MYBBP1A: variants seen among roughly 807,000 people sequenced by gnomAD.
MYBBP1A encodes MYB binding protein 1a.
MYBBP1A carries 147 observed loss-of-function variants against 136.3 expected under a neutral mutation model. The ratio of observed to expected loss-of-function variants is 1.08; its 90% CI spans 0.94 to 1.24. The LOEUF (loss-of-function observed/expected upper bound fraction) is 1.24. Among genes scored for constraint, MYBBP1A ranks in the 50% most tolerant of loss-of-function variants. The pLI, the probability that MYBBP1A is intolerant of heterozygous loss-of-function variation, is 0.00. For missense variants in MYBBP1A, 2,060 were observed against 1,727.4 expected, an observed-to-expected ratio of 1.19 and a Z score of -3.41; for synonymous variants, 947 against 735.8, an observed-to-expected ratio of 1.29 and a Z score of -4.65.
rs1253610340 is a variant in MYBBP1A at position 4,552,642 on chromosome 17, G to A, written c.562-16C>T. 1 of 1,607,962 alleles carries A rather than the reference G, an allele frequency of 6.2e-7. No homozygotes were observed. The highest frequency in any genetic ancestry group is 8.5e-7 in the Non-Finnish European group (1 of 1,176,002). The stretch of plus-strand genomic sequence containing the variant: ...CCTTCGAGACCTAAGGATGGAGGGA[G>A]AAGAAATCGTGACTTCCTCTGCGGG... On this transcript the variant is annotated splice_polypyrimidine_tract_variant and intron_variant, in intron 5 of 25. Coordinates refer to ENST00000254718, the MANE Select transcript of MYBBP1A (RefSeq NM_014520.4). This position sits in a 1 kb window ranked among gnomAD's most constrained non-coding sequence, Gnocchi z 4.7.
Position 4,547,971 on chromosome 17 carries a change from A to G in MYBBP1A, c.1811T>C (p.Ile604Thr). ...AGGCCCCAGTACCTTGAGGAGGTGG[A>G]TGCCCACGAGGAGCAGAAGGTGCTG... ...AFQHLLLLVG[I>T]HLLKSPAESC... is the part of the protein sequence containing the mutation. Residue 604 changes from isoleucine (I) to threonine (T), a missense_variant, in exon 13 of 26, where the codon ATC (isoleucine) becomes ACC (threonine). Physicochemically the swap from Ile to Thr is moderately conservative, Grantham distance 89. Transcript: ENST00000254718. 2.0e-6 allele frequency: 3 copies of G among 1,514,400 alleles called. No homozygotes were observed. Among genetic ancestry groups the G allele is most frequent in the Non-Finnish European group, 2.7e-6 (3 of 1,127,932 alleles). The allele number at this position is 1,514,400 out of a possible 1,614,324, so 93.8% of individuals were successfully genotyped here.
Position 4,550,972 on chromosome 17 carries a change from A to C in MYBBP1A, c.1024-619T>G, listed in dbSNP as rs557777541. On this transcript the variant is annotated intron_variant, in intron 8 of 25. Transcript: ENST00000254718. The stretch of plus-strand genomic sequence containing the variant: ...CAGGGTCAGAGGCTCCCAGTGGGAT[A>C]GTGTCCGGCTTCACAGCCCAAGCTG... Among the ~76,000 whole-genome samples the C allele has an allele frequency of 5.9e-5, 9 of 152,380 alleles. No homozygotes were observed. In the South Asian group the frequency reaches 1.9e-3, roughly 32 times the overall value.
Position 4,548,388 on chromosome 17 carries a change from C to G in MYBBP1A, c.1557-78G>C. ...GCCTCCCTCCGCCCTCCCCAGGGCTCGGTCTCCCGCCTCTCCAGGACCTAC... is the reference window on the plus strand; with the variant it reads ...GCCTCCCTCCGCCCTCCCCAGGGCTGGGTCTCCCGCCTCTCCAGGACCTAC... On this transcript the variant is annotated intron_variant, in intron 11 of 25. Coordinates refer to ENST00000254718, the MANE Select transcript of MYBBP1A (RefSeq NM_014520.4). This position sits in a 1 kb window ranked among gnomAD's most constrained non-coding sequence, Gnocchi z 4.2. The G allele has an allele frequency of 6.3e-7, 1 of 1,599,230 alleles. No individual in the cohort carries two copies. The highest frequency in any genetic ancestry group is 2.2e-5 in the East Asian group (1 of 44,824).
chr17:4,554,248 A>C lies in MYBBP1A; in HGVS notation c.325T>G (p.Cys109Gly). 1 of 1,614,052 alleles carries C rather than the reference A, an allele frequency of 6.2e-7. No individual in the cohort carries two copies. Among genetic ancestry groups the C allele is most frequent in the East Asian group, 2.2e-5 (1 of 44,884 alleles). The change falls in exon 3 of 26, where the codon TGC becomes GGC. Residue 109 changes from cysteine to glycine, a missense_variant. Cys to Gly is a radical substitution (Grantham distance 159). Coordinates refer to ENST00000254718, the MANE Select transcript of MYBBP1A (RefSeq NM_014520.4). The part of the protein sequence containing the change: ...LLQSFEDLPL[C>G]SILQQIQEKY... ...TCTTGTATCTGCTGCAGGATGCTGC[A>C]CAAGGGGAGGTCTTCAAAAGACTGT...
At chr17:4,547,069 A>G (rs912090169) in intron 13 of MYBBP1A, among the ~76,000 whole-genome samples, 5 of 151,714 alleles carry the variant, frequency 3.3e-5, no homozygotes, top group Non-Finnish European at 7.4e-5. Context: ...CTGCCACCAC[A>G]CCTGGCTAAT....
At chr17:4,554,803 C>T in intron 2 of MYBBP1A, 58 bp downstream of exon 2, 5 of 1,550,714 alleles carry the variant, frequency 3.2e-6, no homozygotes, top group Non-Finnish European at 3.5e-6. Flanking sequence ...ACCCGCCCTC[C>T]TCATACCCCA....
At position 4,545,087 on chromosome 17, in the gene MYBBP1A, C is replaced by T. The variant is rs868409399; in HGVS notation, c.2249G>A (p.Gly750Glu). The T allele has an allele frequency of 1.9e-6, 3 of 1,584,188 alleles. No individual in the cohort carries two copies. The highest frequency in any genetic ancestry group is 2.3e-5 in the South Asian group (2 of 87,866). ...TTCCCGGAAGCCCTGATCCACGTCC[C>T]CGTCGCGCTCCTCCTCCTCGCTCTC... ...GEESEEEERD[G>E]DVDQGFREQL... The change falls in exon 17 of 26, where the codon GGG (glycine) becomes GAG (glutamate). Residue 750 changes from glycine to glutamate, a missense_variant. By Grantham distance (98) the Gly-to-Glu change is moderately conservative. Coordinates refer to ENST00000254718, the MANE Select transcript of MYBBP1A (RefSeq NM_014520.4).
intron 9 of MYBBP1A, among the ~76,000 whole-genome samples, chr17:4,549,767 CAG>C (rs1254933209): frequency 8.5e-6 from 1 of 118,052 alleles, no homozygotes; most frequent in South Asian, 2.8e-4. Flanking sequence ...GCTTAGGCCA[CAG>C]AGAGTGAGAC....
rs1906353055 is a variant in MYBBP1A, at chr17:4,540,923, A to AGGGCCCCGTCCCGGGCCCCGTCCC, written c.3298-440_3298-439insGGGACGGGGCCCGGGACGGGGCCC. ...CTTCCTCACTATCAGCCAGTTTTGT[A>AGGGCCCCGTCCCGGGCCCCGTCCC]AGGCCCCGTCCCGGGCCCCGCCTCT... On this transcript the variant is annotated intron_variant, in intron 24 of 25. Transcript: ENST00000254718. Among the ~76,000 whole-genome samples, 3 of 117,124 alleles carry AGGGCCCCGTCCCGGGCCCCGTCCC rather than the reference A, an allele frequency of 2.6e-5. 1 individual carries two copies. The South Asian group carries it at 9.7e-4, about 38-fold the overall frequency. The allele number at this position is 117,124 out of a possible 152,430, so 76.8% of individuals were successfully genotyped here. A position where few individuals can be genotyped will look rare whatever the true frequency, so the allele number is the denominator to read the frequency against.
Position 4,552,434 on chromosome 17 carries a change from G to T in MYBBP1A, c.737+17C>A, listed in dbSNP as rs769176856. ...CCTTGGCCCCAGGGAGGGCAAATCC[G>T]CCCACCTCCATCACACCTGGGGACA... is the stretch of plus-strand genomic sequence containing the variant. On this transcript the variant is annotated intron_variant, in intron 6 of 25. Coordinates refer to ENST00000254718, the MANE Select transcript of MYBBP1A (RefSeq NM_014520.4). The surrounding 1 kb of genome is among the most constrained non-coding windows in gnomAD (Gnocchi z 4.7). The T allele has an allele frequency of 3.1e-6, 5 of 1,610,206 alleles. No homozygotes were observed. Among genetic ancestry groups the T allele is most frequent in the Non-Finnish European group, 4.2e-6 (5 of 1,178,964 alleles).
Position 4,544,558 on chromosome 17 carries a change from C to A in MYBBP1A, c.2570G>T (p.Arg857Leu). 1 of 1,565,764 alleles carries A rather than the reference C, an allele frequency of 6.4e-7. No homozygotes were observed. Among genetic ancestry groups the A allele is most frequent in the Non-Finnish European group, 8.7e-7 (1 of 1,155,742 alleles). The change falls in exon 19 of 26, where the codon CGG becomes CTG. Residue 857 changes from arginine to leucine, a missense_variant. Coordinates refer to ENST00000254718, the MANE Select transcript of MYBBP1A (RefSeq NM_014520.4). ...ELLEPLLSII[R>L]RSLRSSSSKQ... ...GGAGCTGCTGCTGCGCAGGCTGCGC[C>A]GGATGATGCTCAGCAGCGGCTCCAG...
chr17:4,552,790 C>CA lies in MYBBP1A; in HGVS notation c.562-165dup, dbSNP rs1400446826. On this transcript the variant is annotated intron_variant, in intron 5 of 25. Transcript: ENST00000254718. The surrounding 1 kb of genome is among the most constrained non-coding windows in gnomAD (Gnocchi z 4.7). ...CCCAGGCAGCGGGGTTTTTGACAAG[C>CA]ATCCCACTGACGCTAACTGGCCCCT... Among the ~76,000 whole-genome samples, 1 of 152,036 alleles carries CA rather than the reference C, an allele frequency of 6.6e-6. No individual in the cohort carries two copies. The highest frequency in any genetic ancestry group is 1.5e-5 in the Non-Finnish European group (1 of 68,006).
chr17:4,542,831 G>A (rs1906578707), intron 20 of MYBBP1A, 82 bp downstream of exon 20: 4 of 1,602,504 alleles, frequency 2.5e-6, no homozygotes, highest in Non-Finnish European at 3.4e-6. Flanking sequence ...AGAAGGCTGA[G>A]GGTTGGGCCC....
At position 4,549,459 on chromosome 17, in the gene MYBBP1A, C is replaced by T. The variant is rs568034069; in HGVS notation, c.1320-17G>A. ...CGCTCAGGCCTAGCGGGGCAGGAGG[C>T]GAGGTCATGTGAGCCACTTATAACT... On this transcript the variant is annotated splice_polypyrimidine_tract_variant and intron_variant, in intron 9 of 25. Coordinates refer to ENST00000254718, the MANE Select transcript of MYBBP1A (RefSeq NM_014520.4). 2.1e-5 allele frequency: 33 copies of T among 1,607,630 alleles called. No individual in the cohort carries two copies. Among genetic ancestry groups the T allele is most frequent in the Middle Eastern group, 1.7e-4 (1 of 6,052 alleles).
rs372363229 is a variant in MYBBP1A at position 4,539,344 on chromosome 17, T to TA, written c.*70dup. On this transcript the variant is annotated 3_prime_UTR_variant, in exon 26 of 26. Coordinates refer to ENST00000254718, the MANE Select transcript of MYBBP1A (RefSeq NM_014520.4). ...CAGCTTGCGTATTAAAATCATGGTT[T>TA]AAAAAAAAAAAAAAAAAATAGGCGT... The TA allele has an allele frequency of 0.028, 38,669 of 1,395,030 alleles. 117 individuals are homozygous for TA. The highest frequency in any genetic ancestry group is 0.039 in the Middle Eastern group (173 of 4,412). 86.4% of individuals were successfully genotyped at this position (1,395,030 alleles called of 1,614,324 possible).
At chr17:4,547,909 GT>G in intron 13 of MYBBP1A, 48 bp downstream of exon 13, 1 of 1,392,682 alleles carries the variant, frequency 7.2e-7, no homozygotes, top group Non-Finnish European at 9.5e-7. Flanking sequence ...GGGGCCCATT[GT>G]GCCATAGAAC....
At chr17:4,554,422 C>T (rs1311693135) in intron 2 of MYBBP1A, 144 bp from the exon 3 acceptor site, 4 of 666,740 alleles carry the variant, frequency 6.0e-6, no homozygotes, top group Non-Finnish European at 7.8e-6. Context: ...CCTTCTATGG[C>T]CCCTAGATTA....
Position 4,540,473 on chromosome 17 carries a change from C to T in MYBBP1A, c.3309G>A (p.Leu1103=). Residue 1103 remains leucine, a synonymous_variant, in exon 25 of 26, where the codon TTG becomes TTA. Coordinates refer to ENST00000254718, the MANE Select transcript of MYBBP1A (RefSeq NM_014520.4). ...GCACACCCAGGAGCACCGTCAGGTC[C>T]AAGGTCAGCTTCTGCAGAGGGTGGG... ...FRTCKHEKLT[L]DLTVLLGVLQ... The T allele has an allele frequency of 1.9e-6, 3 of 1,609,148 alleles. No individual in the cohort carries two copies. The highest frequency in any genetic ancestry group is 2.5e-6 in the Non-Finnish European group (3 of 1,178,880).
rs768729170 is a variant in MYBBP1A, at chr17:4,541,541, C to T, written c.3219G>A (p.Ala1073=). Residue 1073 remains alanine (A), a synonymous_variant, in exon 24 of 26, where the codon GCG becomes GCA. Coordinates refer to ENST00000254718, the MANE Select transcript of MYBBP1A (RefSeq NM_014520.4). ...VTENLRVLGE[A]QTKAQHQQAL... is the part of the protein sequence containing the mutation. The stretch of plus-strand genomic sequence containing the variant: ...CCTGCTGATGCTGCGCCTTGGTCTG[C>T]GCCTCCCCCAGCACGCGCAAGTTCT... The T allele has an allele frequency of 1.5e-5, 25 of 1,612,912 alleles. No homozygotes were observed. Among genetic ancestry groups the T allele is most frequent in the South Asian group, 1.4e-4 (13 of 91,090 alleles).
Sources: gnomAD v4.1 joint callset for allele counts (sites outside exome capture counted in the v4.1 genomes callset) on GRCh38, gnomAD v4.1.1 for gene constraint, Gnocchi (gnomAD v3.1) non-coding constraint, MANE v1.5 for transcripts, NCBI Gene and HGNC (gene_info 2026-07-23, HGNC 2026-07-21) for gene names.